Variants in ZNF536 observed in about 807,000 individuals in gnomAD.
ZNF536 encodes zinc finger protein 536.
Under a neutral mutation model 84.5 loss-of-function variants are expected in ZNF536, and 13 were observed. That is an observed-to-expected ratio of 0.15 (90% CI 0.10 to 0.24). The LOEUF is 0.24. ZNF536 is among the 10% of genes least tolerant of loss of function. The pLI is 1.00. For synonymous variants in ZNF536, 811 were observed against 742.5 expected (o/e 1.09, Z -1.50); for missense variants, 1,536 against 1,747.5 (o/e 0.88, Z 2.16).
intron 2 of ZNF536, among the ~76,000 whole-genome samples, chr19:30,527,592 T>G (rs1257716832): frequency 2.0e-5 from 3 of 152,054 alleles, no homozygotes. Flanking sequence ...AGCACTCTGA[T>G]GCAACCACAG....
intron 3 of ZNF536, among the ~76,000 whole-genome samples, chr19:30,365,841 A>G (rs1329058906): frequency 1.3e-5 from 2 of 152,156 alleles, no homozygotes; most frequent in Non-Finnish European, 2.9e-5. Flanking sequence ...TTTGTCCTGG[A>G]TAATAATAGC....
At chr19:30,401,570 GCTTACA>G (rs1568393707) in intron 1 of ZNF536, among the ~76,000 whole-genome samples, 3 of 152,218 alleles carry the variant, frequency 2.0e-5, no homozygotes, top group Non-Finnish European at 4.4e-5. Context: ...TCTTTTCCTT[GCTTACA>G]CATGTTCTCA....
chr19:30,698,789 C>A (rs1387034109), intron 1 of ZNF536, among the ~76,000 whole-genome samples: 1 of 152,204 alleles, frequency 6.6e-6, no homozygotes, highest in East Asian at 1.9e-4. Flanking sequence ...CCGTCCCTTT[C>A]CATACTGTAC....
At chr19:30,256,424 C>A (rs2024920069) in intron 1 of ZNF536, among the ~76,000 whole-genome samples, 1 of 152,150 alleles carries the variant, frequency 6.6e-6, no homozygotes, top group Non-Finnish European at 1.5e-5. Flanking sequence ...AAAAGCAATT[C>A]GCAGAAATGC....
At chr19:30,585,115 CA>C (rs953877500) in intron 1 of ZNF536, among the ~76,000 whole-genome samples, 132 of 134,812 alleles carry the variant, frequency 9.8e-4, no homozygotes, top group Middle Eastern at 3.6e-3. Flanking sequence ...ACTTGCCACT[CA>C]AAAAAAAAAA....
At chr19:30,493,182 TA>T (rs1022116601) in intron 2 of ZNF536, among the ~76,000 whole-genome samples, 7 of 137,304 alleles carry the variant, frequency 5.1e-5, no homozygotes, top group African/African-American at 8.3e-5. Flanking sequence ...AGTACTAAAA[TA>T]TTTTTTTTTC....
intron 1 of ZNF536, among the ~76,000 whole-genome samples, chr19:30,576,611 G>A (rs889018202): frequency 6.6e-6 from 1 of 152,210 alleles, no homozygotes; most frequent in South Asian, 2.1e-4. Context: ...GCCAGGTTCT[G>A]TTCCTGGTCA....
At chr19:30,340,891 C>T (rs1226600068) in intron 2 of ZNF536, among the ~76,000 whole-genome samples, 2 of 152,104 alleles carry the variant, frequency 1.3e-5, no homozygotes, top group African/African-American at 2.4e-5. Context: ...CAACAGGCAT[C>T]GTGTGTGTGT....
At chr19:30,330,467 G>A (rs565941169) in intron 2 of ZNF536, among the ~76,000 whole-genome samples, 2 of 152,282 alleles carry the variant, frequency 1.3e-5, no homozygotes, top group Non-Finnish European at 2.9e-5. Flanking sequence ...GGACTGAGAG[G>A]ACACTCGACT....
chr19:30,415,709 C>T (rs962023813), intron 1 of ZNF536, among the ~76,000 whole-genome samples: 3 of 152,050 alleles, frequency 2.0e-5, no homozygotes, highest in African/African-American at 4.8e-5. Flanking sequence ...CTCCTGGGTT[C>T]ACACCATTCT....
chr19:30,594,722 C>T (rs148041002), intron 1 of ZNF536, among the ~76,000 whole-genome samples: 10 of 152,128 alleles, frequency 6.6e-5, no homozygotes, highest in African/African-American at 2.2e-4. Context: ...TGTGCTGCCT[C>T]CTCCCTCCCC....
chr19:30,682,941 A>G (rs975176808), intron 1 of ZNF536, among the ~76,000 whole-genome samples: 1 of 152,146 alleles, frequency 6.6e-6, no homozygotes, highest in Non-Finnish European at 1.5e-5. Context: ...TTTAGGACCA[A>G]TTTTCTTTTA....
At chr19:30,240,718 C>T (rs1277328460) in intron 1 of ZNF536, among the ~76,000 whole-genome samples, 9 of 152,222 alleles carry the variant, frequency 5.9e-5, no homozygotes, top group Admixed American at 6.5e-5. Context: ...AGGAGGGCTT[C>T]GTGGACCGTC....
At chr19:30,646,784 C>T (rs1286621171) in intron 1 of ZNF536, among the ~76,000 whole-genome samples, 1 of 152,166 alleles carries the variant, frequency 6.6e-6, no homozygotes, top group East Asian at 1.9e-4. Flanking sequence ...CTGGCACCTG[C>T]CCTCCGACGT....
At chr19:30,397,350 C>A (rs2049865560) in intron 1 of ZNF536, among the ~76,000 whole-genome samples, 1 of 152,218 alleles carries the variant, frequency 6.6e-6, no homozygotes, top group South Asian at 2.1e-4. Context: ...TTGCAAAGAA[C>A]TAAATACACA....
intron 1 of ZNF536, among the ~76,000 whole-genome samples, chr19:30,380,847 AT>A (rs1268571462): frequency 6.6e-6 from 1 of 152,072 alleles, no homozygotes; most frequent in Non-Finnish European, 1.5e-5. Flanking sequence ...AAATAAATTT[AT>A]TTATCTAAAT....
intron 2 of ZNF536, among the ~76,000 whole-genome samples, chr19:30,457,416 C>A (rs1392540853): frequency 6.6e-6 from 1 of 152,152 alleles, no homozygotes; most frequent in East Asian, 1.9e-4. Context: ...CAGAAGAGGC[C>A]CTGGGAGAAG....
At chr19:30,582,375 CTTTTTTTTTTTTT>C (rs35509271) in intron 1 of ZNF536, among the ~76,000 whole-genome samples, 3 of 89,174 alleles carry the variant, frequency 3.4e-5, no homozygotes, top group Admixed American at 3.0e-4. Flanking sequence ...CCTAGTTTCT[CTTTTTTTTTTTTT>C]TTTTTTTTTT....
At chr19:30,484,045 G>C (rs189198825) in intron 2 of ZNF536, among the ~76,000 whole-genome samples, 1 of 151,994 alleles carries the variant, frequency 6.6e-6, no homozygotes, top group Admixed American at 6.6e-5. Flanking sequence ...CTGACCCCAA[G>C]TCTCTGTTAA....
Sources: allele counts gnomAD v4.1 joint callset (sites outside exome capture counted in the v4.1 genomes callset), GRCh38; gene constraint gnomAD v4.1.1; transcripts MANE v1.5; gene names NCBI Gene and HGNC (gene_info 2026-07-23, HGNC 2026-07-21).